SPRED1: variants seen among roughly 807,000 people sequenced by gnomAD.
The protein encoded by SPRED1 is sprouty related EVH1 domain containing 1.
SPRED1 carries 18 observed loss-of-function variants against 52.3 expected under a neutral mutation model. That is an observed-to-expected ratio of 0.34 (90% CI 0.24 to 0.51). The LOEUF (loss-of-function observed/expected upper bound fraction) is 0.51, where lower values mean the gene tolerates loss of function less well. SPRED1 is among the 20% of genes least tolerant of loss of function. The pLI is 0.97. For missense variants in SPRED1, 485 were observed against 551.0 expected (o/e 0.88, Z 1.20); for synonymous variants, 155 against 179.7 (o/e 0.86, Z 1.10).
intron 6 of SPRED1, among the ~76,000 whole-genome samples, chr15:38,350,176 A>G (rs1196838335): frequency 6.6e-6 from 1 of 152,170 alleles, no homozygotes; most frequent in Non-Finnish European, 1.5e-5. Context: ...TTTTCTCACA[A>G]TTCTTAGAAG....
chr15:38,348,390 A>G (rs1896184687), intron 5 of SPRED1, among the ~76,000 whole-genome samples: 1 of 151,240 alleles, frequency 6.6e-6, no homozygotes, highest in Admixed American at 6.6e-5. Context: ...CCAAGGGCAC[A>G]GTACAAAGGG....
At chr15:38,259,955 A>G (rs917031552) in intron 1 of SPRED1, among the ~76,000 whole-genome samples, 13 of 152,200 alleles carry the variant, frequency 8.5e-5, no homozygotes, top group African/African-American at 3.1e-4. Flanking sequence ...GCTGTAGACA[A>G]AGCATTCTTA....
chr15:38,264,930 C>T (rs1248895221), intron 1 of SPRED1, among the ~76,000 whole-genome samples: 3 of 151,962 alleles, frequency 2.0e-5, no homozygotes, highest in Non-Finnish European at 2.9e-5. Context: ...ATAAACTATC[C>T]AAATTAAGGT....
intron 1 of SPRED1, among the ~76,000 whole-genome samples, chr15:38,266,242 A>G (rs1319910509): frequency 6.6e-6 from 1 of 152,238 alleles, no homozygotes; most frequent in Non-Finnish European, 1.5e-5. Context: ...TAAAAATATG[A>G]TGAAGAATGC....
intron 1 of SPRED1, among the ~76,000 whole-genome samples, chr15:38,294,138 C>T (rs1193469812): frequency 6.6e-6 from 1 of 152,144 alleles, no homozygotes; most frequent in East Asian, 1.9e-4. Flanking sequence ...TACATCATCC[C>T]AACCTACTTC....
intron 1 of SPRED1, among the ~76,000 whole-genome samples, chr15:38,295,152 A>G (rs1224328691): frequency 2.0e-5 from 3 of 152,206 alleles, no homozygotes; most frequent in Admixed American, 6.5e-5. Flanking sequence ...GTGTTTTGCA[A>G]TACGTATTTG....
intron 5 of SPRED1, among the ~76,000 whole-genome samples, chr15:38,343,053 AG>A (rs1319494949): frequency 6.6e-6 from 1 of 152,138 alleles, no homozygotes; most frequent in Non-Finnish European, 1.5e-5. Context: ...AGGAGAACCC[AG>A]AAAAGGATGT....
rs111438055 is a variant in SPRED1 at position 38,264,185 on chromosome 15, A to G, written c.32+10968A>G. On this transcript the variant is annotated intron_variant, in intron 1 of 6. Transcript: ENST00000299084. ...TAAAGATCATGTGAGCTAAGTATCC[A>G]TAGTTTACAGATGAGATAACTGAGA... 7.4e-4 allele frequency among the ~76,000 whole-genome samples: 113 copies of G among 152,352 alleles called. 1 individual carries two copies. The highest frequency in any genetic ancestry group is 2.5e-3 in the African/African-American group (104 of 41,590).
intron 2 of SPRED1, among the ~76,000 whole-genome samples, chr15:38,312,366 C>G (rs1454284031): frequency 1.3e-5 from 2 of 152,082 alleles, no homozygotes; most frequent in Non-Finnish European, 2.9e-5. Context: ...ATCTAGCAAC[C>G]TGTGGGGACC....
At chr15:38,283,911 G>A (rs149619671) in intron 1 of SPRED1, among the ~76,000 whole-genome samples, 2 of 151,958 alleles carry the variant, frequency 1.3e-5, no homozygotes, top group South Asian at 4.2e-4. Flanking sequence ...AAAACTAATG[G>A]TAAAAATTAG....
chr15:38,325,208 A>C (rs1895691115), intron 4 of SPRED1, among the ~76,000 whole-genome samples: 1 of 152,190 alleles, frequency 6.6e-6, no homozygotes, highest in South Asian at 2.1e-4. Flanking sequence ...CATGTGATGA[A>C]TCACACTAAA....
At chr15:38,286,542 C>CTTT (rs34939270) in intron 1 of SPRED1, among the ~76,000 whole-genome samples, 2,155 of 147,962 alleles carry the variant, frequency 0.015, 58 homozygotes, top group African/African-American at 0.047. Flanking sequence ...TTACTTATGG[C>CTTT]TTTTTTTTTT....
At chr15:38,257,164 G>T (rs1002853412) in intron 1 of SPRED1, among the ~76,000 whole-genome samples, 1 of 152,020 alleles carries the variant, frequency 6.6e-6, no homozygotes, top group African/African-American at 2.4e-5. Flanking sequence ...TCAACACTCT[G>T]TCCCTCTATG....
At chr15:38,319,567 C>G (rs531588488) in intron 2 of SPRED1, among the ~76,000 whole-genome samples, 2 of 152,158 alleles carry the variant, frequency 1.3e-5, no homozygotes, top group East Asian at 3.9e-4. Context: ...TTAGTGGAGA[C>G]GGGTTTCACT....
intron 2 of SPRED1, among the ~76,000 whole-genome samples, chr15:38,308,551 A>G (rs1206461190): frequency 6.6e-6 from 1 of 152,184 alleles, no homozygotes; most frequent in East Asian, 1.9e-4. Context: ...TTATTTCCGT[A>G]ATTTTGTCTT....
intron 4 of SPRED1, among the ~76,000 whole-genome samples, chr15:38,325,246 C>G (rs761877261): frequency 1.3e-5 from 2 of 152,010 alleles, no homozygotes; most frequent in African/African-American, 4.8e-5. Flanking sequence ...GTTTCATGCA[C>G]GAAATTATTT....
intron 2 of SPRED1, among the ~76,000 whole-genome samples, chr15:38,314,878 T>C (rs755789255): frequency 6.6e-6 from 1 of 151,880 alleles, no homozygotes; most frequent in African/African-American, 2.4e-5. Flanking sequence ...TCCCTTCCTT[T>C]TGTGGTAGCT....
intron 2 of SPRED1, among the ~76,000 whole-genome samples, chr15:38,304,819 TATTAC>T (rs1451996914): frequency 6.6e-6 from 1 of 152,232 alleles, no homozygotes; most frequent in Non-Finnish European, 1.5e-5. Flanking sequence ...ATGTCTTCGC[TATTAC>T]ATTGTGCCTC....
At chr15:38,293,885 T>C (rs1894977371) in intron 1 of SPRED1, among the ~76,000 whole-genome samples, 1 of 152,224 alleles carries the variant, frequency 6.6e-6, no homozygotes. Flanking sequence ...GATATACTGC[T>C]ATTAAAAACC....
Sources: allele counts gnomAD v4.1 joint callset (sites outside exome capture counted in the v4.1 genomes callset), GRCh38; gene constraint gnomAD v4.1.1; transcripts MANE v1.5; gene names NCBI Gene and HGNC (gene_info 2026-07-23, HGNC 2026-07-21).